Variants in CDH4 observed in about 807,000 individuals in gnomAD.
CDH4 encodes the protein cadherin 4, also known as cadherin-4.
CDH4 carries 33 observed loss-of-function variants against 86.0 expected under a neutral mutation model. The observed-to-expected ratio is 0.38, with a 90% CI of 0.29 to 0.51. The LOEUF (loss-of-function observed/expected upper bound fraction) is 0.51. Among genes scored for constraint, CDH4 ranks in the 20% least tolerant of loss-of-function variants. The pLI, the probability that CDH4 is intolerant of heterozygous loss-of-function variation, is 0.86. For missense variants in CDH4, 1,114 were observed against 1,307.4 expected (o/e 0.85, Z 2.28); for synonymous variants, 555 against 549.4 (o/e 1.01, Z -0.14).
chr20:61,325,499 G>A (rs2084532150), intron 2 of CDH4, among the ~76,000 whole-genome samples: 1 of 152,052 alleles, frequency 6.6e-6, no homozygotes, highest in Admixed American at 6.5e-5. Context: ...GAACGGGAGG[G>A]GTGTGTTTTG....
At chr20:61,838,213 C>A (rs778326198) in intron 4 of CDH4, among the ~76,000 whole-genome samples, 40 of 152,056 alleles carry the variant, frequency 2.6e-4, no homozygotes, top group Non-Finnish European at 4.1e-4. Flanking sequence ...ACTTGTTTGT[C>A]CAGGAACGGT....
intron 2 of CDH4, among the ~76,000 whole-genome samples, chr20:61,418,463 A>C (rs6121818): frequency 3.3e-5 from 5 of 152,094 alleles, no homozygotes; most frequent in Non-Finnish European, 7.4e-5. Flanking sequence ...TGCCCGCCTC[A>C]GCCTCCCAAA....
intron 4 of CDH4, among the ~76,000 whole-genome samples, chr20:61,814,669 T>C (rs184230655): frequency 1.6e-3 from 242 of 152,346 alleles, no homozygotes; most frequent in African/African-American, 5.4e-3. Flanking sequence ...TGTTTGTAAT[T>C]GCTATCTTCA....
rs573208217 is a variant in CDH4, at chr20:61,733,520, C to G, written c.170-10043C>G. Among the ~76,000 whole-genome samples the G allele has an allele frequency of 7.7e-4, 118 of 152,286 alleles. 1 individual carries two copies. The South Asian group carries it at 9.1e-3, about 12-fold the overall frequency. ...CCCTCATCTCCCCTGCTGTCCCTGT[C>G]ACAGTGACTTTGTTCGTGGGCCGGC... On this transcript the variant is annotated intron_variant, in intron 2 of 15. Transcript: ENST00000614565.
intron 2 of CDH4, among the ~76,000 whole-genome samples, chr20:61,548,804 G>C (rs1336952409): frequency 6.6e-6 from 1 of 152,182 alleles, no homozygotes; most frequent in Admixed American, 6.5e-5. Flanking sequence ...TGAGGAGTTG[G>C]AGACAGGAAG....
intron 2 of CDH4, among the ~76,000 whole-genome samples, chr20:61,321,652 C>T (rs556613760): frequency 5.9e-5 from 9 of 152,278 alleles, no homozygotes; most frequent in South Asian, 2.1e-4. Flanking sequence ...CAAATTCAGC[C>T]GTTGCCACTA....
At chr20:61,274,855 G>A (rs2084217679) in intron 2 of CDH4, among the ~76,000 whole-genome samples, 1 of 137,792 alleles carries the variant, frequency 7.3e-6, no homozygotes, top group Non-Finnish European at 1.5e-5. Context: ...GGGGATTACT[G>A]CATGCGGTTG....
In CDH4 at chr20:61,854,780, G is replaced by T. The variant is rs548239170; in HGVS notation, c.877+1882G>T. ...TGTGAACAGGGTGAATTGTGCCCTT[G>T]GTCCACCCCCAGGGCTGCAGTGTGA... On this transcript the variant is annotated intron_variant, in intron 6 of 15. Transcript: ENST00000614565. Among the ~76,000 whole-genome samples, 4 of 145,850 alleles carry T rather than the reference G, an allele frequency of 2.7e-5. No individual in the cohort carries two copies. In the South Asian group the frequency reaches 8.9e-4, roughly 32 times the overall value.
chr20:61,509,520 G>T (rs1212985436), intron 2 of CDH4, among the ~76,000 whole-genome samples: 2 of 149,376 alleles, frequency 1.3e-5, no homozygotes, highest in African/African-American at 2.5e-5. Context: ...AGCCGAGCAT[G>T]TGAATGTTGA....
chr20:61,405,578 T>C (rs59224001), intron 2 of CDH4, among the ~76,000 whole-genome samples: 1 of 152,216 alleles, frequency 6.6e-6, no homozygotes, highest in African/African-American at 2.4e-5. Context: ...GAAAATGAAA[T>C]CTGAGGCTGA....
intron 2 of CDH4, among the ~76,000 whole-genome samples, chr20:61,575,824 G>A (rs2086378764): frequency 6.6e-6 from 1 of 152,210 alleles, no homozygotes; most frequent in Admixed American, 6.5e-5. Flanking sequence ...AATTGACCCA[G>A]ATGGGAGGTA....
chr20:61,395,065 C>T (rs2085009267), intron 2 of CDH4, among the ~76,000 whole-genome samples: 1 of 151,332 alleles, frequency 6.6e-6, no homozygotes, highest in Non-Finnish European at 1.5e-5. Context: ...AAGCCACTCT[C>T]CTCCTGGGAG....
At chr20:61,256,465 C>T (rs540785597) in intron 2 of CDH4, among the ~76,000 whole-genome samples, 1 of 152,230 alleles carries the variant, frequency 6.6e-6, no homozygotes, top group Non-Finnish European at 1.5e-5. Context: ...AAACAAGGAT[C>T]TCTTCCCTTT....
In CDH4 at chr20:61,754,567, GCA is replaced by G. The variant is rs1568796659; in HGVS notation, c.396+10783_396+10784del. Among the ~76,000 whole-genome samples the G allele has an allele frequency of 1.3e-5, 2 of 152,044 alleles. No individual in the cohort carries two copies. Among genetic ancestry groups the G allele is most frequent in the Non-Finnish European group, 2.9e-5 (2 of 67,986 alleles). Reference sequence around the variant, plus strand: ...AACGGGTGCCATTCCAAGGGCAGCAGCACACAACAGGTGCAGGCACACTGCCC... The same window carrying G: ...AACGGGTGCCATTCCAAGGGCAGCAGCACAACAGGTGCAGGCACACTGCCC... On this transcript the variant is annotated intron_variant, in intron 3 of 15. Coordinates refer to ENST00000614565, the MANE Select transcript of CDH4 (RefSeq NM_001794.5). The surrounding 1 kb of genome is among the most constrained non-coding windows in gnomAD (Gnocchi z 4.7).
At chr20:61,784,513 C>T (rs370346449) in intron 4 of CDH4, among the ~76,000 whole-genome samples, 8 of 98,528 alleles carry the variant, frequency 8.1e-5, no homozygotes, top group African/African-American at 3.1e-4. Context: ...AATGTAAGCC[C>T]AGTTCCTCGG....
At chr20:61,546,155 T>TGCATGTGTGTG (rs79582664) in intron 2 of CDH4, among the ~76,000 whole-genome samples, 4 of 121,734 alleles carry the variant, frequency 3.3e-5, no homozygotes, top group African/African-American at 6.6e-5. Flanking sequence ...TTCACATTCG[T>TGCATGTGTGTG]GAGGGTGTGT....
intron 2 of CDH4, among the ~76,000 whole-genome samples, chr20:61,321,075 G>A (rs1052573292): frequency 6.6e-6 from 1 of 152,166 alleles, no homozygotes; most frequent in Admixed American, 6.5e-5. Context: ...CGGTGGGGTG[G>A]CATTGACCTA....
intron 3 of CDH4, among the ~76,000 whole-genome samples, chr20:61,765,840 G>A (rs1227092736): frequency 6.6e-6 from 1 of 152,064 alleles, no homozygotes; most frequent in African/African-American, 2.4e-5. Flanking sequence ...CCTCATCCAG[G>A]GAGGAGAGCC....
intron 4 of CDH4, among the ~76,000 whole-genome samples, chr20:61,795,337 C>T (rs1039880184): frequency 6.6e-6 from 1 of 151,810 alleles, no homozygotes; most frequent in Non-Finnish European, 1.5e-5. Context: ...TATCCTGAGC[C>T]CCATCAGCCA....
Sources: gnomAD v4.1 joint callset for allele counts (sites outside exome capture counted in the v4.1 genomes callset) on GRCh38, gnomAD v4.1.1 for gene constraint, Gnocchi (gnomAD v3.1) non-coding constraint, MANE v1.5 for transcripts, NCBI Gene and HGNC (gene_info 2026-07-23, HGNC 2026-07-21) for gene names.